The following MIA2 variants were observed in gnomAD, a reference collection of about 807,000 sequenced individuals.
MIA2 encodes the protein MIA SH3 domain ER export factor 2, also known as melanoma inhibitory activity protein 2.
MIA2 carries 127 observed loss-of-function variants against 167.8 expected under a neutral mutation model. The ratio of observed to expected loss-of-function variants is 0.76; its 90% CI spans 0.66 to 0.88. The LOEUF is 0.88. MIA2 is among the 40% of genes least tolerant of loss of function. The pLI is 0.00. For missense variants in MIA2, 1,690 were observed against 1,624.7 expected, an observed-to-expected ratio of 1.04 and a Z score of -0.69; for synonymous variants, 552 against 541.9, an observed-to-expected ratio of 1.02 and a Z score of -0.26.
At chr14:39,290,019 G>T (rs2152818297) in intron 9 of MIA2, among the ~76,000 whole-genome samples, 1 of 152,234 alleles carries the variant, frequency 6.6e-6, no homozygotes. Context: ...AAATAATTCT[G>T]GATGCTTTTT....
Position 39,314,787 on chromosome 14 carries a change from T to C in MIA2, c.3168T>C (p.Ser1056=). Residue 1056 remains serine (S), a synonymous_variant, in exon 20 of 29, where the codon TCT becomes TCC. Transcript: ENST00000640607. ...AAGAATTGGAGAGAACTATTCATTC[T>C]TATCAAGGGCAGGTATATATATATG... ...LEEELERTIH[S]YQGQIISHEK... is the part of the protein sequence containing the mutation. 1 of 1,598,608 alleles carries C rather than the reference T, an allele frequency of 6.3e-7. No individual in the cohort carries two copies. The highest frequency in any genetic ancestry group is 8.5e-7 in the Non-Finnish European group (1 of 1,172,012).
chr14:39,250,307 C>T (rs1009906721), intron 4 of MIA2, among the ~76,000 whole-genome samples: 1 of 152,110 alleles, frequency 6.6e-6, no homozygotes, highest in Non-Finnish European at 1.5e-5. Flanking sequence ...TTGGTGTGAT[C>T]CTATAGTCCC....
Position 39,293,330 on chromosome 14 carries a change from A to G in MIA2, c.2268A>G (p.Leu756=). 6.2e-7 allele frequency: 1 copy of G among 1,612,322 alleles called. No homozygotes were observed. Among genetic ancestry groups the G allele is most frequent in the Non-Finnish European group, 8.5e-7 (1 of 1,178,958 alleles). ...AACTTGAGGATGAAATACTCTGTCT[A>G]GAAAAAGAGTTAAAAGAAGAGAAAT... ...NSELEDEILC[L]EKELKEEKSK... is the part of the protein sequence containing the mutation. The change falls in exon 11 of 29, where the codon CTA becomes CTG. Residue 756 remains leucine (L), a synonymous_variant. Coordinates refer to ENST00000640607, the MANE Select transcript of MIA2 (RefSeq NM_001329214.4).
At chr14:39,324,142 T>A (rs1236364714) in intron 24 of MIA2, among the ~76,000 whole-genome samples, 1 of 152,228 alleles carries the variant, frequency 6.6e-6, no homozygotes, top group Non-Finnish European at 1.5e-5. Context: ...ACTTTAACCA[T>A]TAGAACTTTT....
chr14:39,345,846 T>G lies in MIA2; in HGVS notation c.3656-58T>G, dbSNP rs2073119389. On this transcript the variant is annotated intron_variant, in intron 25 of 28. Transcript: ENST00000640607. ...AAGTGTAAGTTCAATACGTTAAACT[T>G]AAGTAAACTTGATTTATATTTACAT... is the stretch of plus-strand genomic sequence containing the variant. 1.5e-5 allele frequency: 22 copies of G among 1,476,122 alleles called. No homozygotes were observed. The South Asian group carries it at 2.4e-4, about 16-fold the overall frequency. 91.4% of individuals were successfully genotyped at this position (1,476,122 alleles called of 1,614,324 possible).
intron 23 of MIA2, among the ~76,000 whole-genome samples, chr14:39,360,563 T>C (rs1006848967): frequency 6.6e-6 from 1 of 152,160 alleles, no homozygotes; most frequent in African/African-American, 2.4e-5. Flanking sequence ...CTTTGTTGAA[T>C]GAATAGTTTG....
chr14:39,357,469 T>C (rs542516621), intron 23 of MIA2, among the ~76,000 whole-genome samples: 5 of 151,386 alleles, frequency 3.3e-5, no homozygotes, highest in African/African-American at 4.9e-5. Context: ...ATGGGTTTCC[T>C]GAATACAGCA....
Position 39,290,903 on chromosome 14 carries a change from A to G in MIA2, c.2131-116A>G, listed in dbSNP as rs940011301. On this transcript the variant is annotated intron_variant, in intron 9 of 28. Coordinates refer to ENST00000640607, the MANE Select transcript of MIA2 (RefSeq NM_001329214.4). ...AAAAAACTTAAAGCTAAGTAAATCCAAGTAAATTTAATGTATTATGTGGAA... is the reference window on the plus strand; with the variant it reads ...AAAAAACTTAAAGCTAAGTAAATCCGAGTAAATTTAATGTATTATGTGGAA... 7.3e-6 allele frequency: 7 copies of G among 955,848 alleles called. No homozygotes were observed. In the East Asian group the frequency reaches 1.7e-4, roughly 23 times the overall value. 59.2% of individuals were successfully genotyped at this position (955,848 alleles called of 1,614,324 possible). A position where few individuals can be genotyped will look rare whatever the true frequency, so the allele number is the denominator to read the frequency against.
chr14:39,300,035 C>T, intron 14 of MIA2, 49 bp downstream of exon 14: 1 of 1,562,976 alleles, frequency 6.4e-7, no homozygotes. Flanking sequence ...GAATTTTACA[C>T]TAACTCTGAA....
At chr14:39,260,237 G>A (rs2055029689) in intron 6 of MIA2, among the ~76,000 whole-genome samples, 1 of 152,170 alleles carries the variant, frequency 6.6e-6, no homozygotes, top group African/African-American at 2.4e-5. Context: ...TGGGATCCCT[G>A]GGTCAAATGG....
intron 4 of MIA2, among the ~76,000 whole-genome samples, chr14:39,249,029 G>A (rs937050797): frequency 1.3e-5 from 2 of 152,188 alleles, no homozygotes; most frequent in Non-Finnish European, 2.9e-5. Flanking sequence ...GTGAGCCATC[G>A]TGCCTGGCCA....
chr14:39,302,726 T>C (rs1010973824), intron 15 of MIA2, among the ~76,000 whole-genome samples: 1 of 152,182 alleles, frequency 6.6e-6, no homozygotes, highest in Non-Finnish European at 1.5e-5. Context: ...GCTCTGAAGT[T>C]GGCAAAAGTG....
At chr14:39,333,149 A>T (rs1439434114) in intron 25 of MIA2, among the ~76,000 whole-genome samples, 5 of 152,154 alleles carry the variant, frequency 3.3e-5, no homozygotes, top group Non-Finnish European at 4.4e-5. Flanking sequence ...CATCAGGGTC[A>T]TCTTGAGGTT....
intron 16 of MIA2, 137 bp from the exon 17 acceptor site, chr14:39,304,154 T>G (rs2062951050): frequency 2.3e-6 from 1 of 431,892 alleles, no homozygotes; most frequent in African/African-American, 2.1e-5. Context: ...GGTTTCTGTA[T>G]TCCAGGTGAT....
intron 23 of MIA2, among the ~76,000 whole-genome samples, chr14:39,382,625 C>G (rs1595969407): frequency 6.6e-6 from 1 of 152,228 alleles, no homozygotes; most frequent in African/African-American, 2.4e-5. Flanking sequence ...GTCTCGTGCT[C>G]AGTAATTCTG....
At chr14:39,287,576 T>G (rs113598609) in intron 9 of MIA2, among the ~76,000 whole-genome samples, 2,912 of 152,116 alleles carry the variant, frequency 0.019, 102 homozygotes, top group African/African-American at 0.067. Flanking sequence ...TATTTATTTA[T>G]TTTTTTGAGA....
At chr14:39,267,597 G>T (rs2056138876) in intron 6 of MIA2, 1 of 1,556,916 alleles carries the variant, frequency 6.4e-7, no homozygotes, top group Non-Finnish European at 8.7e-7. Context: ...CAGTAGACCG[G>T]CTTTGGGGTC....
At chr14:39,237,873 G>A (rs1272859636) in intron 2 of MIA2, among the ~76,000 whole-genome samples, 2 of 152,080 alleles carry the variant, frequency 1.3e-5, no homozygotes, top group African/African-American at 4.8e-5. Flanking sequence ...CCGAATAGCT[G>A]GGATTACAGG....
At chr14:39,322,535 G>C (rs1341394408) in intron 24 of MIA2, among the ~76,000 whole-genome samples, 4 of 127,958 alleles carry the variant, frequency 3.1e-5, no homozygotes, top group Non-Finnish European at 6.4e-5. Flanking sequence ...GCGAGACTCC[G>C]TCTCAAAAAA....
Sources: allele counts gnomAD v4.1 joint callset (sites outside exome capture counted in the v4.1 genomes callset), GRCh38; gene constraint gnomAD v4.1.1; transcripts MANE v1.5; gene names NCBI Gene and HGNC (gene_info 2026-07-23, HGNC 2026-07-21).